RAPGEF6: variants seen among roughly 807,000 people sequenced by gnomAD.
RAPGEF6 encodes the protein Rap guanine nucleotide exchange factor 6.
RAPGEF6 carries 56 observed loss-of-function variants against 171.4 expected under a neutral mutation model. The observed-to-expected ratio is 0.33, with a 90% confidence interval of 0.26 to 0.41. The LOEUF (loss-of-function observed/expected upper bound fraction) is 0.41. Ranked by LOEUF, RAPGEF6 falls within the 10% of genes least tolerant of loss-of-function variation. RAPGEF6 has a pLI of 1.00. For missense variants in RAPGEF6, 1,674 were observed against 1,921.4 expected, an observed-to-expected ratio of 0.87 and a Z score of 2.41; for synonymous variants, 692 against 650.1, an observed-to-expected ratio of 1.06 and a Z score of -0.98.
chr5:131,496,591 A>G (rs1467331396), intron 12 of RAPGEF6, among the ~76,000 whole-genome samples: 1 of 152,204 alleles, frequency 6.6e-6, no homozygotes, highest in Admixed American at 6.5e-5. Flanking sequence ...GCTATTCCAC[A>G]TAAATAGAAT....
At chr5:131,465,739 T>C (rs1435872470) in intron 17 of RAPGEF6, among the ~76,000 whole-genome samples, 1 of 151,990 alleles carries the variant, frequency 6.6e-6, no homozygotes, top group Non-Finnish European at 1.5e-5. Context: ...GCTGAGATCA[T>C]GCCACTGCAC....
chr5:131,560,549 C>A (rs1761532924), intron 5 of RAPGEF6, among the ~76,000 whole-genome samples: 1 of 152,138 alleles, frequency 6.6e-6, no homozygotes, highest in Non-Finnish European at 1.5e-5. Context: ...ACTGCCTGGG[C>A]AGTTTTCTTG....
At chr5:131,614,963 C>T (rs1032668997) in intron 1 of RAPGEF6, among the ~76,000 whole-genome samples, 2 of 152,190 alleles carry the variant, frequency 1.3e-5, no homozygotes, top group South Asian at 2.1e-4. Flanking sequence ...TGAACCAGCA[C>T]AATCAGCATC....
At chr5:131,609,669 C>T (rs920619114) in intron 1 of RAPGEF6, among the ~76,000 whole-genome samples, 1 of 152,146 alleles carries the variant, frequency 6.6e-6, no homozygotes, top group Non-Finnish European at 1.5e-5. Flanking sequence ...AGAGACCAAC[C>T]GTATGAGTTC....
At chr5:131,483,592 C>G (rs543603048) in intron 15 of RAPGEF6, among the ~76,000 whole-genome samples, 1 of 152,234 alleles carries the variant, frequency 6.6e-6, no homozygotes, top group South Asian at 2.1e-4. Flanking sequence ...CTTAATAAAA[C>G]TGACTACATA....
intron 4 of RAPGEF6, among the ~76,000 whole-genome samples, chr5:131,573,042 C>T (rs1418575560): frequency 6.6e-6 from 1 of 152,130 alleles, no homozygotes; most frequent in Non-Finnish European, 1.5e-5. Context: ...GACTTTCCTT[C>T]TTTCTCTCCC....
chr5:131,596,683 C>G (rs1365396020), intron 3 of RAPGEF6, among the ~76,000 whole-genome samples: 1 of 152,144 alleles, frequency 6.6e-6, no homozygotes, highest in Admixed American at 6.5e-5. Flanking sequence ...AAATGTATAT[C>G]TCCTTGCAGA....
intron 21 of RAPGEF6, 42 bp from the exon 22 acceptor site, chr5:131,446,745 A>G: frequency 2.0e-6 from 3 of 1,520,580 alleles, no homozygotes; most frequent in Non-Finnish European, 2.7e-6. Flanking sequence ...TATAGAGATG[A>G]GAACTAAGCA....
chr5:131,452,918 A>T, intron 21 of RAPGEF6, 136 bp downstream of exon 21: 1 of 1,077,222 alleles, frequency 9.3e-7, no homozygotes, highest in Non-Finnish European at 1.3e-6. Flanking sequence ...ATAAATGATT[A>T]CATGAAACGG....
At chr5:131,607,323 GAT>G (rs1355658831) in intron 1 of RAPGEF6, among the ~76,000 whole-genome samples, 2 of 152,176 alleles carry the variant, frequency 1.3e-5, no homozygotes, top group African/African-American at 4.8e-5. Context: ...AAAGCAGACA[GAT>G]CCTAAAAAAT....
intron 4 of RAPGEF6, among the ~76,000 whole-genome samples, chr5:131,566,160 A>G (rs1581033451): frequency 6.6e-6 from 1 of 151,886 alleles, no homozygotes; most frequent in East Asian, 1.9e-4. Context: ...AAAGAAAGAA[A>G]AAAAAAAAAG....
At chr5:131,449,447 T>C (rs1180052294) in intron 21 of RAPGEF6, among the ~76,000 whole-genome samples, 1 of 152,220 alleles carries the variant, frequency 6.6e-6, no homozygotes, top group African/African-American at 2.4e-5. Context: ...AAGGGCTGCC[T>C]CTTTTTAGAA....
chr5:131,465,461 T>C (rs1208567690), intron 17 of RAPGEF6, among the ~76,000 whole-genome samples: 1 of 152,110 alleles, frequency 6.6e-6, no homozygotes, highest in Non-Finnish European at 1.5e-5. Context: ...GACAATAAAT[T>C]ACTGTTGCAA....
intron 6 of RAPGEF6, 40 bp from the exon 7 acceptor site, chr5:131,521,561 C>T (rs2149909157): frequency 1.3e-6 from 2 of 1,568,286 alleles, no homozygotes; most frequent in South Asian, 2.4e-5. Flanking sequence ...AAATGTCAAG[C>T]TTTACCTTTT....
At chr5:131,427,512 TA>T (rs1439137554) in intron 27 of RAPGEF6, among the ~76,000 whole-genome samples, 2 of 152,188 alleles carry the variant, frequency 1.3e-5, no homozygotes, top group Non-Finnish European at 1.5e-5. Flanking sequence ...TACTCTTGTT[TA>T]AAAGCATAAA....
At chr5:131,514,011 G>C (rs1390443618) in intron 7 of RAPGEF6, among the ~76,000 whole-genome samples, 1 of 152,164 alleles carries the variant, frequency 6.6e-6, no homozygotes, top group Non-Finnish European at 1.5e-5. Context: ...CTGGGTGACA[G>C]TGTGAGAACG....
At chr5:131,588,995 G>C (rs963496258) in intron 4 of RAPGEF6, among the ~76,000 whole-genome samples, 3 of 151,982 alleles carry the variant, frequency 2.0e-5, no homozygotes, top group Admixed American at 6.6e-5. Context: ...GCCAGAACCC[G>C]GGAGGCAGAG....
At chr5:131,521,624 C>T in intron 6 of RAPGEF6, 103 bp from the exon 7 acceptor site, 1 of 1,026,680 alleles carries the variant, frequency 9.7e-7, no homozygotes, top group Non-Finnish European at 1.3e-6. Flanking sequence ...TGTGCAATCT[C>T]TTTTTTAACC....
At chr5:131,606,301 T>C (rs919866760) in intron 1 of RAPGEF6, among the ~76,000 whole-genome samples, 3 of 149,196 alleles carry the variant, frequency 2.0e-5, no homozygotes, top group African/African-American at 7.4e-5. Context: ...TGGGAAGAAG[T>C]TGCAGTGAGC....
Sources: allele counts gnomAD v4.1 joint callset (sites outside exome capture counted in the v4.1 genomes callset), GRCh38; gene constraint gnomAD v4.1.1; transcripts MANE v1.5; gene names NCBI Gene and HGNC (gene_info 2026-07-23, HGNC 2026-07-21).